Variants in SLC8A1 observed in about 807,000 individuals in gnomAD.
SLC8A1 encodes solute carrier family 8 member A1.
Under a neutral mutation model 68.3 loss-of-function variants are expected in SLC8A1, and 18 were observed. The observed-to-expected ratio is 0.26, with a 90% CI of 0.18 to 0.39. The LOEUF (loss-of-function observed/expected upper bound fraction) is 0.39. Among genes scored for constraint, SLC8A1 ranks in the 10% least tolerant of loss-of-function variants. SLC8A1 has a pLI of 1.00. For synonymous variants in SLC8A1, 475 were observed against 415.5 expected (o/e 1.14, Z -1.74); for missense variants, 985 against 1,156.7 (o/e 0.85, Z 2.15).
chr2:40,374,157 T>C (rs1444525932), intron 2 of SLC8A1, among the ~76,000 whole-genome samples: 1 of 152,004 alleles, frequency 6.6e-6, no homozygotes, highest in Admixed American at 6.6e-5. Flanking sequence ...CCAAAAGTCA[T>C]ACAGCTCATG....
At chr2:40,437,187 C>G (rs903798282) in intron 1 of SLC8A1, among the ~76,000 whole-genome samples, 1 of 152,110 alleles carries the variant, frequency 6.6e-6, no homozygotes, top group Non-Finnish European at 1.5e-5. Context: ...TAACGATTTC[C>G]AAAATGGCAG....
At chr2:40,249,172 A>G (rs2062344751) in intron 2 of SLC8A1, among the ~76,000 whole-genome samples, 1 of 152,216 alleles carries the variant, frequency 6.6e-6, no homozygotes, top group Non-Finnish European at 1.5e-5. Context: ...CTTAAATAGA[A>G]CAAAAAATGT....
intron 4 of SLC8A1, among the ~76,000 whole-genome samples, chr2:40,167,495 G>A (rs1170545624): frequency 1.3e-5 from 2 of 152,144 alleles, no homozygotes; most frequent in African/African-American, 4.8e-5. Context: ...AGTATAGTTG[G>A]TATGCAACCA....
At chr2:40,218,697 T>C (rs1017703914) in intron 2 of SLC8A1, among the ~76,000 whole-genome samples, 1 of 150,924 alleles carries the variant, frequency 6.6e-6, no homozygotes, top group Non-Finnish European at 1.5e-5. Flanking sequence ...ACCATAATGC[T>C]TTATGAAAGA....
chr2:40,415,000 T>C (rs1693364887), intron 2 of SLC8A1, among the ~76,000 whole-genome samples: 1 of 152,142 alleles, frequency 6.6e-6, no homozygotes, highest in Non-Finnish European at 1.5e-5. Flanking sequence ...ATGAAATACA[T>C]GGCTCAGAAA....
chr2:40,331,461 C>T (rs951044765), intron 2 of SLC8A1, among the ~76,000 whole-genome samples: 4 of 151,842 alleles, frequency 2.6e-5, no homozygotes, highest in African/African-American at 7.3e-5. Context: ...AGAACACTCC[C>T]GGGAGAATAA....
chr2:40,424,929 T>C (rs1696464167), intron 2 of SLC8A1, among the ~76,000 whole-genome samples: 1 of 151,870 alleles, frequency 6.6e-6, no homozygotes, highest in Admixed American at 6.6e-5. Context: ...TATTTTGTAA[T>C]AATTATTACC....
At chr2:40,104,118 CTT>C (rs1452242060) in exon 8 of SLC8A1, 5 of 152,150 alleles carry the variant, frequency 3.3e-5, no homozygotes, top group Admixed American at 3.3e-4. Context: ...TCTCTGGTGA[CTT>C]TTTGATGTTA....
intron 2 of SLC8A1, among the ~76,000 whole-genome samples, chr2:40,222,149 A>T (rs1016173269): frequency 6.6e-6 from 1 of 152,180 alleles, no homozygotes; most frequent in Non-Finnish European, 1.5e-5. Context: ...CAAAAACAGC[A>T]TGGTACTGGT....
intron 2 of SLC8A1, among the ~76,000 whole-genome samples, chr2:40,425,961 G>C (rs1696739089): frequency 6.6e-6 from 1 of 151,810 alleles, no homozygotes; most frequent in South Asian, 2.1e-4. Context: ...CAATAGCAAA[G>C]ACATGGAATC....
At chr2:40,146,080 C>T (rs1442210179) in intron 6 of SLC8A1, among the ~76,000 whole-genome samples, 2 of 152,144 alleles carry the variant, frequency 1.3e-5, no homozygotes, top group Non-Finnish European at 2.9e-5. Flanking sequence ...AACTTTTCTT[C>T]TAAGTATATT....
intron 7 of SLC8A1, among the ~76,000 whole-genome samples, chr2:40,138,421 C>A (rs1356922489): frequency 1.3e-5 from 2 of 152,170 alleles, no homozygotes; most frequent in African/African-American, 4.8e-5. Flanking sequence ...TCTAGTCCTG[C>A]CTTTTCCCAA....
At chr2:40,444,733 A>G (rs1419228558) in intron 1 of SLC8A1, among the ~76,000 whole-genome samples, 1 of 152,248 alleles carries the variant, frequency 6.6e-6, no homozygotes, top group Non-Finnish European at 1.5e-5. Flanking sequence ...TGATATTCAA[A>G]TTTCAGTGTC....
chr2:40,211,959 A>G (rs973935617), intron 2 of SLC8A1, among the ~76,000 whole-genome samples: 3 of 152,252 alleles, frequency 2.0e-5, no homozygotes, highest in African/African-American at 7.2e-5. Context: ...ATGCCCACAT[A>G]ATATCATAAT....
At chr2:40,393,066 G>T (rs1380688563) in intron 2 of SLC8A1, among the ~76,000 whole-genome samples, 1 of 152,014 alleles carries the variant, frequency 6.6e-6, no homozygotes, top group Non-Finnish European at 1.5e-5. Context: ...ATCTTTAGCT[G>T]AACTATATGA....
intron 2 of SLC8A1, among the ~76,000 whole-genome samples, chr2:40,396,818 GT>G (rs1328018836): frequency 7.1e-5 from 10 of 141,472 alleles, no homozygotes; most frequent in African/African-American, 2.8e-4. Flanking sequence ...AGAAACTGTA[GT>G]TGCTGTATCA....
chr2:40,220,379 G>T (rs1048112951), intron 2 of SLC8A1: 1 of 152,136 alleles, frequency 6.6e-6, no homozygotes, highest in South Asian at 2.1e-4. Flanking sequence ...TTTAAAGGAG[G>T]TCATTAGTGA....
chr2:40,226,964 A>T (rs1297230324), intron 2 of SLC8A1, among the ~76,000 whole-genome samples: 3 of 152,126 alleles, frequency 2.0e-5, no homozygotes, highest in African/African-American at 7.2e-5. Context: ...CAGAGCTAGA[A>T]AATGATCACA....
intron 2 of SLC8A1, among the ~76,000 whole-genome samples, chr2:40,225,251 C>T (rs893090341): frequency 4.6e-5 from 7 of 152,042 alleles, no homozygotes; most frequent in East Asian, 1.9e-4. Flanking sequence ...TGTGGGCATA[C>T]GACCTTGCTA....
Sources: allele counts gnomAD v4.1 joint callset (sites outside exome capture counted in the v4.1 genomes callset), GRCh38; gene constraint gnomAD v4.1.1; transcripts MANE v1.5; gene names NCBI Gene and HGNC (gene_info 2026-07-23, HGNC 2026-07-21).